The following CASR variants were observed in gnomAD, a reference collection of about 807,000 sequenced individuals.
CASR encodes calcium sensing receptor.
Under a neutral mutation model 69.1 loss-of-function variants are expected in CASR, and 23 were observed. That is an observed-to-expected ratio of 0.33 (90% CI 0.24 to 0.47). The LOEUF (loss-of-function observed/expected upper bound fraction) is 0.47, where lower values mean the gene tolerates loss of function less well. CASR is among the 20% of genes least tolerant of loss of function. The pLI is 1.00. For synonymous variants in CASR, 541 were observed against 544.7 expected (o/e 0.99, Z 0.10); for missense variants, 924 against 1,356.1 (o/e 0.68, Z 5.00).
At chr3:122,221,922 T>C (rs2074175791) in intron 1 of CASR, among the ~76,000 whole-genome samples, 1 of 152,182 alleles carries the variant, frequency 6.6e-6, no homozygotes, top group African/African-American at 2.4e-5. Flanking sequence ...TTAACTCCCA[T>C]CCTCTCCCAT....
At chr3:122,246,799 CAA>C (rs2074432407) in intron 1 of CASR, 1 of 152,234 alleles carries the variant, frequency 6.6e-6, no homozygotes, top group South Asian at 2.1e-4. Flanking sequence ...GGTCCTCAGA[CAA>C]AGACACTGTG....
chr3:122,252,444 AG>A (rs1404587667), intron 1 of CASR, among the ~76,000 whole-genome samples: 1 of 108,946 alleles, frequency 9.2e-6, no homozygotes. Flanking sequence ...AAAGAAAGAA[AG>A]AAAAAAAAGA....
At chr3:122,283,292 T>C (rs776713959) in intron 6 of CASR, among the ~76,000 whole-genome samples, 1 of 152,234 alleles carries the variant, frequency 6.6e-6, no homozygotes, top group Non-Finnish European at 1.5e-5. Flanking sequence ...AATATTTAAA[T>C]AAATAAATCA....
At chr3:122,197,008 A>G (rs2073898110) in intron 1 of CASR, among the ~76,000 whole-genome samples, 1 of 152,196 alleles carries the variant, frequency 6.6e-6, no homozygotes, top group Non-Finnish European at 1.5e-5. Context: ...TTTCAAGTGT[A>G]CAATACAGTA....
intron 1 of CASR, among the ~76,000 whole-genome samples, chr3:122,196,559 G>T (rs1162358749): frequency 2.0e-5 from 3 of 151,370 alleles, no homozygotes; most frequent in Admixed American, 1.3e-4. Flanking sequence ...TGTTTTTGAG[G>T]CAAGGTCTCG....
chr3:122,256,686 C>T (rs1411552288), intron 2 of CASR, among the ~76,000 whole-genome samples: 2 of 152,182 alleles, frequency 1.3e-5, no homozygotes, highest in Non-Finnish European at 2.9e-5. Context: ...GGCACAATCT[C>T]AGCTCACTGC....
intron 1 of CASR, among the ~76,000 whole-genome samples, chr3:122,203,166 T>C (rs941753246): frequency 6.6e-6 from 1 of 152,222 alleles, no homozygotes; most frequent in Non-Finnish European, 1.5e-5. Context: ...ACTAGCCAAG[T>C]TGTGCATTTG....
At chr3:122,282,388 T>C (rs560880978) in intron 6 of CASR, 152 bp downstream of exon 6, 1 of 776,652 alleles carries the variant, frequency 1.3e-6, no homozygotes, top group Non-Finnish European at 2.3e-6. Context: ...ATGTTGGGCA[T>C]GGAGGTGGAA....
At chr3:122,198,538 T>G (rs920139375) in intron 1 of CASR, among the ~76,000 whole-genome samples, 1 of 152,136 alleles carries the variant, frequency 6.6e-6, no homozygotes, top group Admixed American at 6.5e-5. Context: ...ATATAATCAC[T>G]GAAATAAGGT....
At chr3:122,266,071 C>G (rs920839069) in intron 4 of CASR, among the ~76,000 whole-genome samples, 1 of 152,112 alleles carries the variant, frequency 6.6e-6, no homozygotes, top group Admixed American at 6.5e-5. Flanking sequence ...TCTGTGTGAC[C>G]TGGCCCTCAT....
At chr3:122,220,526 A>G (rs566599079) in intron 1 of CASR, among the ~76,000 whole-genome samples, 2 of 152,392 alleles carry the variant, frequency 1.3e-5, no homozygotes, top group African/African-American at 4.8e-5. Context: ...TAAATAAATC[A>G]TAGAACACCA....
chr3:122,239,471 C>T (rs1427656655), intron 1 of CASR, among the ~76,000 whole-genome samples: 2 of 152,240 alleles, frequency 1.3e-5, no homozygotes, highest in Admixed American at 1.3e-4. Flanking sequence ...TCTGGACCCA[C>T]CCAACGCCTG....
At chr3:122,254,875 T>C (rs1445865161) in intron 2 of CASR, among the ~76,000 whole-genome samples, 1 of 152,080 alleles carries the variant, frequency 6.6e-6, no homozygotes, top group Non-Finnish European at 1.5e-5. Context: ...ATCTTCAAAC[T>C]GTAAAATGTA....
Position 122,284,216 on chromosome 3 carries a change from G to A in CASR, c.2262G>A (p.Gln754=), listed in dbSNP as rs1487359017. 1.2e-6 allele frequency: 2 copies of A among 1,614,086 alleles called. No individual in the cohort carries two copies. Among genetic ancestry groups the A allele is most frequent in the East Asian group, 2.2e-5 (1 of 44,886 alleles). Residue 754 remains glutamine, a synonymous_variant, in exon 7 of 7, where the codon CAG becomes CAA. Transcript: ENST00000639785. ...YTAPPSSYRN[Q]ELEDEIIFIT... ...CGCCCCCGTCAAGCTACCGCAACCA[G>A]GAGCTGGAGGATGAGATCATCTTCA...
At chr3:122,264,486 G>C (rs1360876528) in intron 4 of CASR, among the ~76,000 whole-genome samples, 1 of 152,226 alleles carries the variant, frequency 6.6e-6, no homozygotes. Flanking sequence ...CCAGTGGGAA[G>C]TCAGGATGCC....
chr3:122,230,100 G>T (rs992434692), intron 1 of CASR, among the ~76,000 whole-genome samples: 1 of 152,220 alleles, frequency 6.6e-6, no homozygotes, highest in Non-Finnish European at 1.5e-5. Context: ...TTCTAATCAT[G>T]TATTCATTCT....
chr3:122,279,681 T>C (rs1559966602), intron 5 of CASR, among the ~76,000 whole-genome samples: 1 of 152,186 alleles, frequency 6.6e-6, no homozygotes, highest in African/African-American at 2.4e-5. Context: ...AAAACAAAAA[T>C]TTTTAACCTC....
intron 1 of CASR, among the ~76,000 whole-genome samples, chr3:122,194,088 C>A (rs1214611927): frequency 6.6e-6 from 1 of 152,136 alleles, no homozygotes; most frequent in Non-Finnish European, 1.5e-5. Context: ...ACATCCCGTG[C>A]TCTCCAGTCT....
intron 1 of CASR, among the ~76,000 whole-genome samples, chr3:122,207,066 A>G (rs2074014270): frequency 6.6e-6 from 1 of 151,880 alleles, no homozygotes; most frequent in Non-Finnish European, 1.5e-5. Flanking sequence ...TTTCATTTAT[A>G]TCTGCTCTAA....
Sources: allele counts gnomAD v4.1 joint callset (sites outside exome capture counted in the v4.1 genomes callset), GRCh38; gene constraint gnomAD v4.1.1; transcripts MANE v1.5; gene names NCBI Gene and HGNC (gene_info 2026-07-23, HGNC 2026-07-21).